Variants in RBFOX1 observed in about 807,000 individuals in gnomAD.
The protein encoded by RBFOX1 is RNA binding fox-1 homolog 1.
A neutral mutation model predicts 57.7 loss-of-function variants in RBFOX1; 8 were observed. That is an observed-to-expected ratio of 0.14 (90% CI 0.08 to 0.25). RBFOX1 has a LOEUF of 0.25. Among genes scored for constraint, RBFOX1 ranks in the 10% least tolerant of loss-of-function variants. RBFOX1 has a pLI of 1.00. For synonymous variants in RBFOX1, 326 were observed against 222.4 expected (o/e 1.47, Z -4.15); for missense variants, 611 against 548.5 (o/e 1.11, Z -1.14).
intron 3 of RBFOX1, among the ~76,000 whole-genome samples, chr16:5,654,428 C>A (rs1029408525): frequency 6.6e-6 from 1 of 152,144 alleles, no homozygotes; most frequent in East Asian, 1.9e-4. Context: ...CTCCCCCCAA[C>A]CTAAAGTCCA....
intron 4 of RBFOX1, among the ~76,000 whole-genome samples, chr16:7,225,281 A>G (rs11077155): frequency 6.6e-6 from 1 of 151,798 alleles, no homozygotes; most frequent in African/African-American, 2.4e-5. Flanking sequence ...CATAATTCCT[A>G]CGTGTTGTGG....
At chr16:5,592,031 A>C (rs1268401287) in intron 2 of RBFOX1, among the ~76,000 whole-genome samples, 1 of 152,224 alleles carries the variant, frequency 6.6e-6, no homozygotes, top group Non-Finnish European at 1.5e-5. Flanking sequence ...TCTCCGTAAA[A>C]AATAATATAT....
chr16:6,185,728 A>G (rs923604543), intron 1 of RBFOX1, among the ~76,000 whole-genome samples: 2 of 152,366 alleles, frequency 1.3e-5, no homozygotes, highest in African/African-American at 4.8e-5. Flanking sequence ...ACTTGGAGAA[A>G]GACTGTGGAC....
chr16:5,761,747 T>G (rs6500719), intron 3 of RBFOX1, among the ~76,000 whole-genome samples: 1 of 152,030 alleles, frequency 6.6e-6, no homozygotes, highest in African/African-American at 2.4e-5. Context: ...CACAGCAAAC[T>G]CTATCAGGCT....
chr16:5,613,848 A>G (rs764845435), intron 3 of RBFOX1, among the ~76,000 whole-genome samples: 9 of 151,192 alleles, frequency 6.0e-5, no homozygotes, highest in Non-Finnish European at 1.2e-4. Context: ...ACTGGATTCT[A>G]TGGATGAGCA....
intron 3 of RBFOX1, among the ~76,000 whole-genome samples, chr16:6,686,231 G>T (rs2154127795): frequency 6.6e-6 from 1 of 152,280 alleles, no homozygotes; most frequent in East Asian, 1.9e-4. Flanking sequence ...CTCAGGTAGA[G>T]GTCTCAAATT....
At chr16:6,577,854 C>G (rs1377474780) in intron 2 of RBFOX1, among the ~76,000 whole-genome samples, 2 of 152,148 alleles carry the variant, frequency 1.3e-5, no homozygotes, top group Non-Finnish European at 2.9e-5. Context: ...GCAGGAAGGA[C>G]TATATGGAAG....
intron 3 of RBFOX1, among the ~76,000 whole-genome samples, chr16:5,846,114 G>A (rs533956764): frequency 1.4e-4 from 22 of 151,868 alleles, no homozygotes; most frequent in African/African-American, 2.4e-4. Context: ...CCTTGGAGGC[G>A]GAGGTTGCAG....
At chr16:6,103,689 G>A (rs972252969) in intron 1 of RBFOX1, among the ~76,000 whole-genome samples, 4 of 152,110 alleles carry the variant, frequency 2.6e-5, no homozygotes, top group Non-Finnish European at 5.9e-5. Context: ...GGATCTGGGG[G>A]TGGGAAATGT....
intron 11 of RBFOX1, 85 bp from the exon 12 acceptor site, chr16:7,653,730 A>T: frequency 6.3e-7 from 1 of 1,575,870 alleles, no homozygotes; most frequent in Non-Finnish European, 8.6e-7. Flanking sequence ...GTGCAGGGAC[A>T]AGGGTTCCCG....
intron 1 of RBFOX1, among the ~76,000 whole-genome samples, chr16:5,391,791 T>G (rs1313658639): frequency 2.0e-5 from 3 of 151,420 alleles, no homozygotes; most frequent in Non-Finnish European, 4.4e-5. Flanking sequence ...CATCAATTAA[T>G]GAGTGGATAA....
intron 4 of RBFOX1, among the ~76,000 whole-genome samples, chr16:7,061,571 C>G (rs866323745): frequency 6.6e-6 from 1 of 151,920 alleles, no homozygotes; most frequent in Non-Finnish European, 1.5e-5. Context: ...GGAGAAGACT[C>G]AAAAAAAAGT....
At chr16:5,931,193 C>G (rs1240146030) in intron 4 of RBFOX1, among the ~76,000 whole-genome samples, 5 of 152,084 alleles carry the variant, frequency 3.3e-5, no homozygotes, top group Non-Finnish European at 5.9e-5. Flanking sequence ...GAGCTCCAAC[C>G]ACATCAATCA....
intron 2 of RBFOX1, among the ~76,000 whole-genome samples, chr16:6,391,907 C>T (rs8048522): frequency 0.55 from 83,960 of 152,100 alleles, 24,889 homozygotes; most frequent in African/African-American, 0.77. Context: ...CAAAATGTTT[C>T]GGCAGCGCTG....
chr16:5,906,687 C>T (rs888717257), intron 4 of RBFOX1, among the ~76,000 whole-genome samples: 1 of 151,208 alleles, frequency 6.6e-6, no homozygotes, highest in African/African-American at 2.4e-5. Context: ...TTGTCGCTGA[C>T]CACACTCCCA....
chr16:5,410,350 T>C (rs188900544), intron 1 of RBFOX1, among the ~76,000 whole-genome samples: 38 of 146,662 alleles, frequency 2.6e-4, no homozygotes, highest in African/African-American at 8.7e-4. Context: ...CTAGCCTGGG[T>C]GACAGAATGA....
chr16:6,865,748 A>T (rs2059804063), intron 3 of RBFOX1, among the ~76,000 whole-genome samples: 1 of 152,144 alleles, frequency 6.6e-6, no homozygotes, highest in South Asian at 2.1e-4. Flanking sequence ...TTTCACAAAT[A>T]GGTTTATTTG....
At chr16:6,331,996 G>A (rs999393477) in intron 2 of RBFOX1, among the ~76,000 whole-genome samples, 1 of 152,154 alleles carries the variant, frequency 6.6e-6, no homozygotes, top group Non-Finnish European at 1.5e-5. Flanking sequence ...ACAGGCTGCT[G>A]AAAAGAAACA....
intron 3 of RBFOX1, among the ~76,000 whole-genome samples, chr16:6,754,173 A>C (rs1249199867): frequency 6.6e-6 from 1 of 152,180 alleles, no homozygotes; most frequent in African/African-American, 2.4e-5. Context: ...AATTGATTGC[A>C]AAACTCAACA....
Sources: allele counts gnomAD v4.1 joint callset (sites outside exome capture counted in the v4.1 genomes callset), GRCh38; gene constraint gnomAD v4.1.1; transcripts MANE v1.5; gene names NCBI Gene and HGNC (gene_info 2026-07-23, HGNC 2026-07-21).